The following SCFD2 variants were observed in gnomAD, a reference collection of about 807,000 sequenced individuals.
SCFD2 encodes sec1 family domain-containing protein 2.
A neutral mutation model predicts 58.9 loss-of-function variants in SCFD2; 54 were observed. That is an observed-to-expected ratio of 0.92 (90% CI 0.74 to 1.15). The LOEUF is 1.15. SCFD2 is among the 50% of genes most tolerant of loss of function. The pLI is 0.00. For synonymous variants in SCFD2, 321 were observed against 335.9 expected (o/e 0.96, Z 0.49); for missense variants, 805 against 836.6 (o/e 0.96, Z 0.47).
At chr4:53,208,741 T>A (rs1728514444) in intron 4 of SCFD2, among the ~76,000 whole-genome samples, 1 of 152,140 alleles carries the variant, frequency 6.6e-6, no homozygotes, top group South Asian at 2.1e-4. Flanking sequence ...ACTAGAAAAA[T>A]CTTATAAGTT....
At chr4:53,121,866 T>G (rs530864683) in intron 5 of SCFD2, among the ~76,000 whole-genome samples, 1 of 152,154 alleles carries the variant, frequency 6.6e-6, no homozygotes. Context: ...CCGTGTGATT[T>G]TTTTAAAGCA....
At chr4:53,217,942 A>T (rs1443517442) in intron 4 of SCFD2, among the ~76,000 whole-genome samples, 2 of 152,080 alleles carry the variant, frequency 1.3e-5, no homozygotes, top group East Asian at 3.9e-4. Context: ...GTTGAAAATC[A>T]TTTTCTTTAA....
chr4:53,178,767 T>C (rs1460382347), intron 4 of SCFD2, among the ~76,000 whole-genome samples: 2 of 152,012 alleles, frequency 1.3e-5, no homozygotes, highest in African/African-American at 2.4e-5. Flanking sequence ...ATTAGACGAA[T>C]GGATAACTAG....
intron 4 of SCFD2, among the ~76,000 whole-genome samples, chr4:53,151,063 A>AT (rs762428431): frequency 2.6e-5 from 4 of 152,200 alleles, no homozygotes; most frequent in Non-Finnish European, 5.9e-5. Context: ...CTTAGAACTG[A>AT]TTAAGATGGT....
At chr4:53,218,803 C>T (rs1279801335) in intron 4 of SCFD2, among the ~76,000 whole-genome samples, 10 of 152,152 alleles carry the variant, frequency 6.6e-5, no homozygotes, top group African/African-American at 2.4e-4. Context: ...ATGATGGTGA[C>T]ATACAGATGG....
intron 7 of SCFD2, among the ~76,000 whole-genome samples, chr4:52,894,370 A>T (rs1718949921): frequency 6.6e-6 from 1 of 152,230 alleles, no homozygotes; most frequent in African/African-American, 2.4e-5. Context: ...AGTCAAAACA[A>T]GCTGAGGTCC....
Position 53,145,419 on chromosome 4 carries a change from C to A in SCFD2, c.1475G>T (p.Cys492Phe). ...TGELTVDKDL[C>F]EAEEKVKKAL... The stretch of plus-strand genomic sequence containing the variant: ...TTTCTTGACTTTTTCTTCTGCTTCA[C>A]ACAGGTCTTTGTCTACCGTGAGCTC... The change falls in exon 5 of 9, where the codon TGT (cysteine) becomes TTT (phenylalanine). Residue 492 changes from cysteine to phenylalanine, a missense_variant. Physicochemically the swap from Cys to Phe is radical, Grantham distance 205 (BLOSUM62 -2). Coordinates refer to ENST00000401642, the MANE Select transcript of SCFD2 (RefSeq NM_152540.4). The A allele has an allele frequency of 6.2e-7, 1 of 1,614,152 alleles. No individual in the cohort carries two copies. The highest frequency in any genetic ancestry group is 8.5e-7 in the Non-Finnish European group (1 of 1,179,988).
At chr4:52,895,360 C>T (rs1312237405) in intron 7 of SCFD2, among the ~76,000 whole-genome samples, 2 of 152,072 alleles carry the variant, frequency 1.3e-5, no homozygotes, top group Non-Finnish European at 2.9e-5. Context: ...TGTGATGTTC[C>T]CCTTCCTGTG....
chr4:53,229,805 A>T (rs1269070779), intron 4 of SCFD2, among the ~76,000 whole-genome samples: 3 of 152,360 alleles, frequency 2.0e-5, no homozygotes, highest in East Asian at 3.9e-4. Flanking sequence ...TCTGCGCAGC[A>T]AAAGAAACTA....
At chr4:53,005,987 T>C (rs1278568536) in intron 5 of SCFD2, among the ~76,000 whole-genome samples, 1 of 152,158 alleles carries the variant, frequency 6.6e-6, no homozygotes, top group Admixed American at 6.5e-5. Context: ...CCCAGCACTG[T>C]GTGTGTTCCT....
intron 5 of SCFD2, among the ~76,000 whole-genome samples, chr4:53,048,598 A>G (rs556656318): frequency 2.1e-4 from 32 of 152,252 alleles, no homozygotes; most frequent in Middle Eastern, 6.8e-3. Context: ...AAAATTAGCC[A>G]TGGGTGGTGG....
At chr4:53,272,205 C>T (rs188011021) in intron 4 of SCFD2, among the ~76,000 whole-genome samples, 1 of 151,850 alleles carries the variant, frequency 6.6e-6, no homozygotes, top group African/African-American at 2.4e-5. Context: ...CAGGAAACAA[C>T]AGGTGCTGGA....
chr4:53,029,038 C>A (rs1291071187), intron 5 of SCFD2, among the ~76,000 whole-genome samples: 1 of 152,122 alleles, frequency 6.6e-6, no homozygotes, highest in African/African-American at 2.4e-5. Context: ...GTACTCCATT[C>A]CAGTACAAAG....
chr4:53,216,805 C>A (rs546635714), intron 4 of SCFD2, among the ~76,000 whole-genome samples: 12 of 152,310 alleles, frequency 7.9e-5, no homozygotes, highest in African/African-American at 2.9e-4. Flanking sequence ...TTTCCCTCTA[C>A]ACACTGCTTT....
intron 4 of SCFD2, among the ~76,000 whole-genome samples, chr4:53,247,989 T>G (rs1055065616): frequency 1.3e-5 from 2 of 152,140 alleles, no homozygotes; most frequent in African/African-American, 4.8e-5. Flanking sequence ...GGCAGGTGAT[T>G]TCTGCATTTC....
chr4:53,359,364 G>A (rs1352496109), intron 1 of SCFD2, among the ~76,000 whole-genome samples: 2 of 152,104 alleles, frequency 1.3e-5, no homozygotes, highest in Admixed American at 6.6e-5. Context: ...ACTGAAAAAT[G>A]TATTTCCTTT....
At chr4:52,962,317 A>T (rs1464323111) in intron 5 of SCFD2, among the ~76,000 whole-genome samples, 1 of 152,198 alleles carries the variant, frequency 6.6e-6, no homozygotes, top group Admixed American at 6.5e-5. Context: ...TCCAACTCAA[A>T]GCAGAAATCT....
intron 3 of SCFD2, among the ~76,000 whole-genome samples, chr4:53,298,068 C>G (rs1309514719): frequency 6.6e-6 from 1 of 152,128 alleles, no homozygotes; most frequent in Admixed American, 6.5e-5. Flanking sequence ...GTACCGGGCT[C>G]ATCACACTGG....
intron 6 of SCFD2, among the ~76,000 whole-genome samples, chr4:52,919,045 C>A (rs924847643): frequency 1.4e-4 from 21 of 152,158 alleles, no homozygotes; most frequent in African/African-American, 5.1e-4. Context: ...AGGGAAACTC[C>A]ATTTTCCAAA....
Sources: gnomAD v4.1 joint callset for allele counts (sites outside exome capture counted in the v4.1 genomes callset) on GRCh38, gnomAD v4.1.1 for gene constraint, MANE v1.5 for transcripts, NCBI Gene and HGNC (gene_info 2026-07-23, HGNC 2026-07-21) for gene names.